Variants in AP1G1 observed in about 807,000 individuals in gnomAD.
The protein encoded by AP1G1 is AP-1 complex subunit gamma-1.
In AP1G1, 7 loss-of-function variants were observed where a neutral mutation model predicts 108.3. That is an observed-to-expected ratio of 0.06 (90% CI 0.04 to 0.12). The LOEUF (loss-of-function observed/expected upper bound fraction) is 0.12. Among genes scored for constraint, AP1G1 ranks in the 10% least tolerant of loss-of-function variants. AP1G1 has a pLI of 1.00. For missense variants in AP1G1, 756 were observed against 1,010.7 expected (o/e 0.75, Z 3.42); for synonymous variants, 379 against 353.5 (o/e 1.07, Z -0.81).
chr16:71,741,675 A>G (rs1053640434), intron 19 of AP1G1, among the ~76,000 whole-genome samples: 1 of 152,240 alleles, frequency 6.6e-6, no homozygotes, highest in Non-Finnish European at 1.5e-5. Flanking sequence ...AAATAAATGC[A>G]AACACCATTT....
At chr16:71,789,525 A>G (rs2032322708) in intron 1 of AP1G1, 43 bp from the exon 2 acceptor site, 3 of 1,569,368 alleles carry the variant, frequency 1.9e-6, no homozygotes, top group African/African-American at 2.7e-5. Context: ...CACATTTTTT[A>G]CTACCAAAGC....
At chr16:71,786,819 T>G (rs1295585435) in intron 2 of AP1G1, among the ~76,000 whole-genome samples, 1 of 151,998 alleles carries the variant, frequency 6.6e-6, no homozygotes, top group African/African-American at 2.4e-5. Flanking sequence ...TCTCAGTACT[T>G]TGAGAGGCCA....
chr16:71,798,368 T>C (rs966722843), intron 1 of AP1G1, among the ~76,000 whole-genome samples: 1 of 152,048 alleles, frequency 6.6e-6, no homozygotes, highest in African/African-American at 2.4e-5. Flanking sequence ...TCAGCTAATT[T>C]TTTTGTATTT....
intron 19 of AP1G1, 84 bp downstream of exon 19, chr16:71,745,060 G>T (rs1246381046): frequency 6.8e-7 from 1 of 1,474,954 alleles, no homozygotes. Context: ...AATGATTCAC[G>T]TGCTGGAAAG....
Position 71,803,391 on chromosome 16 carries a change from A to T in AP1G1, c.-4+5372T>A, listed in dbSNP as rs533607359. ...CAATGGTCTGAGTAGGCTTTTTTTT[A>T]AAGTAAAATTTCCAAGTACCTAGTG... On this transcript the variant is annotated intron_variant, in intron 1 of 22. Coordinates refer to ENST00000299980, the MANE Select transcript of AP1G1 (RefSeq NM_001128.6). Among the ~76,000 whole-genome samples, 499 of 152,120 alleles carry T rather than the reference A, an allele frequency of 3.3e-3. 2 individuals carry two copies. Among genetic ancestry groups the T allele is most frequent in the Non-Finnish European group, 5.5e-3 (373 of 67,986 alleles).
At chr16:71,759,010 A>G in intron 10 of AP1G1, 89 bp from the exon 11 acceptor site, 1 of 709,090 alleles carries the variant, frequency 1.4e-6, no homozygotes, top group Non-Finnish European at 2.4e-6. Context: ...AAAGACGTCT[A>G]ATGGATAAGA....
At chr16:71,776,877 A>G (rs774136148) in intron 2 of AP1G1, among the ~76,000 whole-genome samples, 25 of 151,760 alleles carry the variant, frequency 1.6e-4, no homozygotes, top group Non-Finnish European at 3.2e-4. Context: ...TGGGAGGCCA[A>G]GGTGGATGGA....
At chr16:71,792,132 A>G (rs2032425814) in intron 1 of AP1G1, among the ~76,000 whole-genome samples, 1 of 152,142 alleles carries the variant, frequency 6.6e-6, no homozygotes, top group South Asian at 2.1e-4. Context: ...TTTCGGAGTC[A>G]ATAAACTAGA....
At chr16:71,735,961 T>C (rs758590822) in intron 21 of AP1G1, among the ~76,000 whole-genome samples, 1 of 150,192 alleles carries the variant, frequency 6.7e-6, no homozygotes, top group Non-Finnish European at 1.5e-5. Flanking sequence ...CAAAACCCCA[T>C]CTCTACTAAA....
intron 19 of AP1G1, 125 bp downstream of exon 19, chr16:71,745,019 C>T (rs1049787111): frequency 2.0e-6 from 2 of 1,010,260 alleles, no homozygotes; most frequent in Non-Finnish European, 2.9e-6. Flanking sequence ...AGATTTGACT[C>T]TTGCTTCTGA....
intron 1 of AP1G1, among the ~76,000 whole-genome samples, chr16:71,805,592 T>C (rs2032971381): frequency 1.3e-5 from 2 of 152,222 alleles, no homozygotes; most frequent in African/African-American, 2.4e-5. Context: ...TCCTGCTATA[T>C]ACACAAAATT....
chr16:71,748,882 G>T (rs1395454905), intron 15 of AP1G1, among the ~76,000 whole-genome samples: 2 of 151,992 alleles, frequency 1.3e-5, no homozygotes, highest in African/African-American at 4.8e-5. Context: ...GCCAGGCAAA[G>T]TGGCTCACAC....
At chr16:71,767,614 G>A (rs745343494) in intron 6 of AP1G1, among the ~76,000 whole-genome samples, 8 of 152,126 alleles carry the variant, frequency 5.3e-5, no homozygotes, top group Non-Finnish European at 1.0e-4. Flanking sequence ...CTCAAGTAAA[G>A]ATAAAGAAAA....
intron 1 of AP1G1, among the ~76,000 whole-genome samples, chr16:71,803,782 A>G (rs1419672796): frequency 3.3e-5 from 5 of 151,934 alleles, no homozygotes; most frequent in Admixed American, 6.6e-5. Context: ...AAAATTAGCT[A>G]GGCATGGTGG....
chr16:71,761,816 CAAAAAAAAAAA>C (rs375647068), intron 9 of AP1G1, among the ~76,000 whole-genome samples: 5 of 44,852 alleles, frequency 1.1e-4, no homozygotes, highest in African/African-American at 2.4e-4. Flanking sequence ...GACTCCATCT[CAAAAAAAAAAA>C]AAAAAAAAAA....
At chr16:71,742,745 G>A (rs2029929579) in intron 19 of AP1G1, 1 of 152,198 alleles carries the variant, frequency 6.6e-6, no homozygotes, top group South Asian at 2.1e-4. Flanking sequence ...CAAGGCGGGA[G>A]GATCATTTGA....
At chr16:71,759,151 C>G (rs1342424105) in intron 10 of AP1G1, among the ~76,000 whole-genome samples, 1 of 152,164 alleles carries the variant, frequency 6.6e-6, no homozygotes, top group Non-Finnish European at 1.5e-5. Context: ...TATTCATGGT[C>G]AAGTCCTTTT....
At chr16:71,748,145 A>G in intron 16 of AP1G1, 106 bp downstream of exon 16, 1 of 1,165,368 alleles carries the variant, frequency 8.6e-7, no homozygotes, top group Non-Finnish European at 1.2e-6. Flanking sequence ...TATTCTCTCT[A>G]CTTTTGTCTA....
At chr16:71,765,880 A>T (rs1157319694) in intron 6 of AP1G1, among the ~76,000 whole-genome samples, 7 of 152,204 alleles carry the variant, frequency 4.6e-5, no homozygotes, top group South Asian at 2.1e-4. Context: ...ACCAGGTAAA[A>T]CAGATGCCTA....
Sources: allele counts gnomAD v4.1 joint callset (sites outside exome capture counted in the v4.1 genomes callset), GRCh38; gene constraint gnomAD v4.1.1; transcripts MANE v1.5; gene names NCBI Gene and HGNC (gene_info 2026-07-23, HGNC 2026-07-21).